The following SH3RF3 variants were observed in gnomAD, a reference collection of about 807,000 sequenced individuals.
SH3RF3 encodes the protein E3 ubiquitin-protein ligase SH3RF3.
A neutral mutation model predicts 66.3 loss-of-function variants in SH3RF3; 29 were observed. The ratio of observed to expected loss-of-function variants is 0.44; its 90% confidence interval spans 0.33 to 0.60. The LOEUF is 0.60. Among genes scored for constraint, SH3RF3 ranks in the 20% least tolerant of loss-of-function variants. The pLI, the probability that SH3RF3 is intolerant of heterozygous loss-of-function variation, is 0.04. For missense variants in SH3RF3, 1,194 were observed against 1,190.9 expected (o/e 1.00, Z -0.04); for synonymous variants, 583 against 532.0 (o/e 1.10, Z -1.32).
chr2:109,498,709 T>C (rs1679315732), intron 9 of SH3RF3, among the ~76,000 whole-genome samples: 1 of 152,060 alleles, frequency 6.6e-6, no homozygotes, highest in African/African-American at 2.4e-5. Flanking sequence ...TCCTGAAGTA[T>C]GTGAGCCACA....
chr2:109,333,159 C>T (rs558478138), intron 1 of SH3RF3, among the ~76,000 whole-genome samples: 51 of 152,326 alleles, frequency 3.3e-4, no homozygotes, highest in South Asian at 1.9e-3. Flanking sequence ...ATCTTGCTCG[C>T]GGCAGCACCA....
At chr2:109,151,007 C>T (rs1558927874) in intron 1 of SH3RF3, among the ~76,000 whole-genome samples, 1 of 152,044 alleles carries the variant, frequency 6.6e-6, no homozygotes, top group Non-Finnish European at 1.5e-5. Context: ...TGATGAAGGT[C>T]GACACTGCTT....
intron 4 of SH3RF3, among the ~76,000 whole-genome samples, chr2:109,416,533 C>T (rs537726796): frequency 7.9e-5 from 12 of 152,194 alleles, no homozygotes; most frequent in African/African-American, 2.9e-4. Flanking sequence ...TACAGGCGTG[C>T]GCCATCATGC....
At chr2:109,221,036 G>A (rs1679224474) in intron 1 of SH3RF3, among the ~76,000 whole-genome samples, 1 of 152,202 alleles carries the variant, frequency 6.6e-6, no homozygotes, top group African/African-American at 2.4e-5. Flanking sequence ...TAAACAAAAT[G>A]TGGTATGTAT....
At position 109,138,975 on chromosome 2, in the gene SH3RF3, A is replaced by G. The variant is rs1676875305; in HGVS notation, c.573+8862A>G. ...CAATAGGTATCTCTTGACATGTGGT[A>G]ATAAGAGACATGAAGACAAGGGGCC... On this transcript the variant is annotated intron_variant, in intron 1 of 9. Transcript: ENST00000309415. 2.0e-5 allele frequency among the ~76,000 whole-genome samples: 3 copies of G among 152,248 alleles called. No homozygotes were observed. The South Asian group carries it at 6.2e-4, about 32-fold the overall frequency.
chr2:109,417,584 G>C (rs1676759694), intron 4 of SH3RF3, among the ~76,000 whole-genome samples: 1 of 152,146 alleles, frequency 6.6e-6, no homozygotes, highest in Admixed American at 6.5e-5. Flanking sequence ...TGGACACCTG[G>C]CTCTCTCAGG....
chr2:109,377,227 A>G (rs1278757140), intron 3 of SH3RF3, among the ~76,000 whole-genome samples: 9 of 152,152 alleles, frequency 5.9e-5, no homozygotes, highest in Admixed American at 5.9e-4. Flanking sequence ...GCTAATAAGA[A>G]GTGTGAAGCC....
intron 3 of SH3RF3, among the ~76,000 whole-genome samples, chr2:109,384,443 G>T (rs995088053): frequency 2.0e-5 from 3 of 152,116 alleles, no homozygotes; most frequent in Admixed American, 1.3e-4. Flanking sequence ...TCCAGGGGTG[G>T]CCTGAGCTGG....
At chr2:109,349,892 C>T (rs773868906) in intron 2 of SH3RF3, among the ~76,000 whole-genome samples, 1 of 152,252 alleles carries the variant, frequency 6.6e-6, no homozygotes, top group Non-Finnish European at 1.5e-5. Flanking sequence ...GACAAGAGGA[C>T]AAAGGGCACC....
chr2:109,153,880 A>C (rs1027174728), intron 1 of SH3RF3, among the ~76,000 whole-genome samples: 1 of 152,248 alleles, frequency 6.6e-6, no homozygotes, highest in African/African-American at 2.4e-5. Context: ...GGACATTAGC[A>C]GTCGGGACTT....
intron 1 of SH3RF3, among the ~76,000 whole-genome samples, chr2:109,221,725 T>A (rs939276969): frequency 6.6e-6 from 1 of 152,014 alleles, no homozygotes; most frequent in Non-Finnish European, 1.5e-5. Context: ...ATTAAGGACG[T>A]GGAGAAAAGG....
chr2:109,293,712 T>C (rs562595133), intron 1 of SH3RF3, among the ~76,000 whole-genome samples: 1 of 152,342 alleles, frequency 6.6e-6, no homozygotes, highest in African/African-American at 2.4e-5. Flanking sequence ...GCAATGTTCA[T>C]GTTGGCTGTC....
chr2:109,161,082 A>C (rs535838452), intron 1 of SH3RF3, among the ~76,000 whole-genome samples: 1 of 152,280 alleles, frequency 6.6e-6, no homozygotes, highest in African/African-American at 2.4e-5. Context: ...TCACAAGGCA[A>C]TCGACTGTTC....
intron 1 of SH3RF3, among the ~76,000 whole-genome samples, chr2:109,337,131 T>C (rs901970562): frequency 1.3e-5 from 2 of 152,272 alleles, no homozygotes; most frequent in Non-Finnish European, 2.9e-5. Context: ...TTATGTATCT[T>C]AAATGCCTTT....
chr2:109,415,878 G>A (rs142136079), intron 4 of SH3RF3, among the ~76,000 whole-genome samples: 61 of 152,246 alleles, frequency 4.0e-4, no homozygotes, highest in Middle Eastern at 3.4e-3. Context: ...ACTGAGAGGT[G>A]GGGCCTTTAA....
At chr2:109,172,849 G>GCACT (rs1337171533) in intron 1 of SH3RF3, among the ~76,000 whole-genome samples, 5 of 152,202 alleles carry the variant, frequency 3.3e-5, no homozygotes, top group Non-Finnish European at 7.3e-5. Context: ...TTGTAGAAGA[G>GCACT]CACTGCCTTA....
intron 1 of SH3RF3, among the ~76,000 whole-genome samples, chr2:109,298,591 T>C (rs1362913437): frequency 6.6e-6 from 1 of 151,784 alleles, no homozygotes; most frequent in African/African-American, 2.4e-5. Context: ...AGCCCCGGGG[T>C]CCTCAGGGAG....
intron 8 of SH3RF3, among the ~76,000 whole-genome samples, chr2:109,485,216 C>T (rs978052500): frequency 2.9e-4 from 44 of 149,224 alleles, no homozygotes; most frequent in Admixed American, 1.6e-3. Context: ...AGAATTAAGA[C>T]GGGAAATCTG....
At chr2:109,280,160 A>G (rs1680849321) in intron 1 of SH3RF3, among the ~76,000 whole-genome samples, 1 of 152,142 alleles carries the variant, frequency 6.6e-6, no homozygotes, top group African/African-American at 2.4e-5. Context: ...AATCATAAAG[A>G]GCTGACATCT....
Sources: allele counts gnomAD v4.1 joint callset (sites outside exome capture counted in the v4.1 genomes callset), GRCh38; gene constraint gnomAD v4.1.1; transcripts MANE v1.5; gene names NCBI Gene and HGNC (gene_info 2026-07-23, HGNC 2026-07-21).